ITGA9: variants seen among roughly 807,000 people sequenced by gnomAD.
ITGA9 encodes the protein integrin alpha-9.
ITGA9 carries 56 observed loss-of-function variants against 127.8 expected under a neutral mutation model. That is an observed-to-expected ratio of 0.44 (90% confidence interval 0.35 to 0.55). The LOEUF is 0.55. Ranked by LOEUF, ITGA9 falls within the 20% of genes least tolerant of loss-of-function variation. The pLI is 0.00. For synonymous variants in ITGA9, 508 were observed against 514.5 expected (o/e 0.99, Z 0.17); for missense variants, 1,196 against 1,347.1 (o/e 0.89, Z 1.76).
chr3:37,469,192 G>A (rs1045927212), intron 1 of ITGA9, among the ~76,000 whole-genome samples: 4 of 152,176 alleles, frequency 2.6e-5, no homozygotes, highest in Non-Finnish European at 5.9e-5. Flanking sequence ...TCCTGTAGCC[G>A]GGGGATGCTC....
intron 18 of ITGA9, among the ~76,000 whole-genome samples, chr3:37,689,656 C>T (rs1455716318): frequency 6.6e-6 from 1 of 152,220 alleles, no homozygotes; most frequent in Admixed American, 6.5e-5. Flanking sequence ...ACACCAGGGT[C>T]ACCATTCACA....
intron 15 of ITGA9, among the ~76,000 whole-genome samples, chr3:37,623,691 C>CTG (rs10581492): frequency 0.012 from 1,835 of 149,436 alleles, 17 homozygotes; most frequent in Middle Eastern, 0.024. Flanking sequence ...GTGTGTGTGT[C>CTG]TGTGTGTGTG....
intron 18 of ITGA9, among the ~76,000 whole-genome samples, chr3:37,711,366 C>T (rs569832818): frequency 5.0e-4 from 76 of 152,280 alleles, no homozygotes; most frequent in African/African-American, 1.8e-3. Context: ...GGCAGAAGCT[C>T]GCCTTTCCAT....
intron 25 of ITGA9, among the ~76,000 whole-genome samples, chr3:37,783,634 G>T (rs1476479418): frequency 6.6e-6 from 1 of 152,060 alleles, no homozygotes; most frequent in Non-Finnish European, 1.5e-5. Context: ...ATCGTGCCTG[G>T]CCCAAGATTA....
chr3:37,791,118 TG>T (rs1302414641), intron 26 of ITGA9, among the ~76,000 whole-genome samples: 1 of 152,150 alleles, frequency 6.6e-6, no homozygotes, highest in Non-Finnish European at 1.5e-5. Context: ...AATTGGTTAC[TG>T]AGGCCCACAG....
At chr3:37,530,838 G>A (rs1173260528) in intron 13 of ITGA9, among the ~76,000 whole-genome samples, 1 of 141,782 alleles carries the variant, frequency 7.1e-6, no homozygotes, top group Non-Finnish European at 1.5e-5. Context: ...TGCAAGCTCT[G>A]CCTCCCGGGT....
chr3:37,483,098 C>T (rs1412374297), intron 4 of ITGA9, among the ~76,000 whole-genome samples: 2 of 152,182 alleles, frequency 1.3e-5, no homozygotes, highest in Non-Finnish European at 2.9e-5. Context: ...GAGCGATGGG[C>T]TCAGCAGGGT....
intron 17 of ITGA9, among the ~76,000 whole-genome samples, chr3:37,656,655 C>G (rs567097473): frequency 2.2e-4 from 34 of 152,202 alleles, no homozygotes; most frequent in African/African-American, 7.5e-4. Flanking sequence ...ATTTGACTTC[C>G]TCTTTTCCTA....
intron 18 of ITGA9, among the ~76,000 whole-genome samples, chr3:37,694,982 G>T (rs1188180084): frequency 6.6e-6 from 1 of 152,218 alleles, no homozygotes; most frequent in Non-Finnish European, 1.5e-5. Context: ...GTAGGGAGTG[G>T]AGAGACGCAG....
intron 26 of ITGA9, among the ~76,000 whole-genome samples, chr3:37,791,865 T>G (rs1697115357): frequency 6.6e-6 from 1 of 152,226 alleles, no homozygotes; most frequent in South Asian, 2.1e-4. Flanking sequence ...TACCATTCCT[T>G]TGGTGTACTG....
At position 37,806,105 on chromosome 3, in the gene ITGA9, T is replaced by G. The variant is rs1009830372; in HGVS notation, c.3009+2163T>G. 3.3e-5 allele frequency: 5 copies of G among 152,248 alleles called. No individual in the cohort carries two copies. The highest frequency in any genetic ancestry group is 7.3e-5 in the Non-Finnish European group (5 of 68,040). 9.4% of individuals were successfully genotyped at this position (152,248 alleles called of 1,614,324 possible). On this transcript the variant is annotated intron_variant, in intron 27 of 27. Transcript: ENST00000264741. This position sits in a 1 kb window ranked among gnomAD's most constrained non-coding sequence, Gnocchi z 4.3. ...TTTTAAAAACAATCTGCCAATTTGT[T>G]GTTTATTTAATCCACATCGCCAGAT...
rs67516814 is a variant in ITGA9, at chr3:37,654,190, C to CCACACACACA, written c.1916+432_1916+441dup. Among the ~76,000 whole-genome samples, 522 of 146,394 alleles carry CCACACACACA rather than the reference C, an allele frequency of 3.6e-3. 3 individuals are homozygous for CCACACACACA. Among genetic ancestry groups the CCACACACACA allele is most frequent in the African/African-American group, 5.0e-3 (198 of 39,366 alleles). ...AATAAAGGTTTATGCCCTCCTGCCT[C>CCACACACACA]CACACACACACACACACACACACAC... On this transcript the variant is annotated intron_variant, in intron 17 of 27. Coordinates refer to ENST00000264741, the MANE Select transcript of ITGA9 (RefSeq NM_002207.3).
chr3:37,549,979 G>A (rs1380074812), intron 15 of ITGA9, among the ~76,000 whole-genome samples: 1 of 152,166 alleles, frequency 6.6e-6, no homozygotes, highest in East Asian at 1.9e-4. Context: ...AGGTAATAGC[G>A]ATAAAAGCAG....
intron 18 of ITGA9, among the ~76,000 whole-genome samples, chr3:37,727,487 G>A (rs994238702): frequency 1.3e-5 from 2 of 152,276 alleles, no homozygotes; most frequent in African/African-American, 2.4e-5. Flanking sequence ...TGAAAATTAC[G>A]AAATTAGGTT....
chr3:37,492,607 T>G (rs560233975), intron 4 of ITGA9, among the ~76,000 whole-genome samples: 13 of 152,356 alleles, frequency 8.5e-5, no homozygotes, highest in Admixed American at 7.2e-4. Context: ...TAAAGAGACC[T>G]TGAGACTGCT....
intron 15 of ITGA9, among the ~76,000 whole-genome samples, chr3:37,576,216 T>C (rs1699652876): frequency 6.6e-6 from 1 of 152,160 alleles, no homozygotes; most frequent in Non-Finnish European, 1.5e-5. Context: ...GCCAGCGCCT[T>C]CTTGCAGCTG....
intron 15 of ITGA9, among the ~76,000 whole-genome samples, chr3:37,575,431 A>G (rs964782341): frequency 6.6e-6 from 1 of 152,204 alleles, no homozygotes; most frequent in African/African-American, 2.4e-5. Flanking sequence ...CAAAAATAGC[A>G]TCAATGATGA....
At chr3:37,545,199 G>A (rs1699313804) in intron 15 of ITGA9, among the ~76,000 whole-genome samples, 1 of 152,220 alleles carries the variant, frequency 6.6e-6, no homozygotes, top group Non-Finnish European at 1.5e-5. Flanking sequence ...TTTCTCAGTG[G>A]AGCTGGCTCT....
At chr3:37,678,389 A>C (rs1700703312) in intron 17 of ITGA9, among the ~76,000 whole-genome samples, 1 of 152,206 alleles carries the variant, frequency 6.6e-6, no homozygotes, top group Admixed American at 6.5e-5. Context: ...GGGAAAAAAT[A>C]GTTTTTAAAA....
Sources: gnomAD v4.1 joint callset for allele counts (sites outside exome capture counted in the v4.1 genomes callset) on GRCh38, gnomAD v4.1.1 for gene constraint, Gnocchi (gnomAD v3.1) non-coding constraint, MANE v1.5 for transcripts, NCBI Gene and HGNC (gene_info 2026-07-23, HGNC 2026-07-21) for gene names.